The following CARMIL1 variants were observed in gnomAD, a reference collection of about 807,000 sequenced individuals.
The protein encoded by CARMIL1 is capping protein regulator and myosin 1 linker 1.
A neutral mutation model predicts 177.1 loss-of-function variants in CARMIL1; 90 were observed. The observed-to-expected ratio is 0.51, with a 90% CI of 0.43 to 0.61. The LOEUF (loss-of-function observed/expected upper bound fraction) is 0.61. Ranked by LOEUF, CARMIL1 falls within the 20% of genes least tolerant of loss-of-function variation. CARMIL1 has a pLI of 0.00. For missense variants in CARMIL1, 1,380 were observed against 1,667.0 expected (o/e 0.83, Z 3.00); for synonymous variants, 577 against 606.2 (o/e 0.95, Z 0.71).
At chr6:25,287,514 C>A (rs1424521582) in intron 2 of CARMIL1, 1 of 152,858 alleles carries the variant, frequency 6.5e-6, no homozygotes, top group Non-Finnish European at 1.5e-5. Flanking sequence ...GTTGTAAACA[C>A]CCCTACACTC....
At chr6:25,618,992 C>G (rs1759513984) in intron 36 of CARMIL1, among the ~76,000 whole-genome samples, 1 of 152,222 alleles carries the variant, frequency 6.6e-6, no homozygotes, top group Non-Finnish European at 1.5e-5. Flanking sequence ...AAATCATCTG[C>G]AGAAGGCATC....
Position 25,396,562 on chromosome 6 carries a change from A to G in CARMIL1, c.139-23552A>G, listed in dbSNP as rs548192486. On this transcript the variant is annotated intron_variant, in intron 2 of 36. Transcript: ENST00000329474. ...TTTTTAGTAGAGACGGGGTTTCACC[A>G]TGTTGGCCAGGCTGGTCTCGAACTG... Among the ~76,000 whole-genome samples the G allele has an allele frequency of 2.2e-4, 34 of 152,044 alleles. No individual in the cohort carries two copies. The South Asian group carries it at 2.9e-3, about 13-fold the overall frequency.
At chr6:25,574,584 A>G (rs571226827) in intron 29 of CARMIL1, among the ~76,000 whole-genome samples, 99 of 152,362 alleles carry the variant, frequency 6.5e-4, no homozygotes, top group African/African-American at 2.4e-3. Flanking sequence ...CACTCTCATG[A>G]GTTCAGTTGG....
chr6:25,517,379 C>T lies in CARMIL1; in HGVS notation c.1838C>T (p.Ala613Val). The stretch of plus-strand genomic sequence containing the variant: ...ATATGGGACAAGAACAACATCACTG[C>T]ACAAGGCTTTCAGGATATAGCTGTT... Reference protein sequence around the residue: ...TVIWDKNNITAQGFQDIAVAM... With the variant: ...TVIWDKNNITVQGFQDIAVAM... The change falls in exon 22 of 37, where the codon GCA (alanine) becomes GTA (valine). Residue 613 changes from alanine to valine, a missense_variant. Coordinates refer to ENST00000329474, the MANE Select transcript of CARMIL1 (RefSeq NM_017640.6). 6.2e-7 allele frequency: 1 copy of T among 1,613,366 alleles called. No homozygotes were observed. Among genetic ancestry groups the T allele is most frequent in the Non-Finnish European group, 8.5e-7 (1 of 1,179,610 alleles).
chr6:25,307,036 G>A (rs551410255), intron 2 of CARMIL1, among the ~76,000 whole-genome samples: 1 of 152,010 alleles, frequency 6.6e-6, no homozygotes, highest in East Asian at 1.9e-4. Flanking sequence ...CTGCCACCAC[G>A]CCTGGCTAAT....
intron 2 of CARMIL1, among the ~76,000 whole-genome samples, chr6:25,403,535 C>T (rs993208138): frequency 1.7e-4 from 26 of 152,200 alleles, no homozygotes; most frequent in Admixed American, 4.6e-4. Context: ...CCTCTGACCT[C>T]CCCTGCGCTT....
At chr6:25,507,545 G>A (rs989590955) in intron 17 of CARMIL1, 2 of 152,474 alleles carry the variant, frequency 1.3e-5, no homozygotes, top group East Asian at 1.9e-4. Context: ...TGTTTTTTAA[G>A]CATTGGAAAG....
intron 2 of CARMIL1, among the ~76,000 whole-genome samples, chr6:25,318,818 A>G (rs113875637): frequency 0.01 from 1,528 of 152,228 alleles, 14 homozygotes; most frequent in Non-Finnish European, 0.015. Context: ...GCCCAGCCCC[A>G]TCTCCTCAAA....
chr6:25,492,758 T>G (rs547481231), intron 15 of CARMIL1, among the ~76,000 whole-genome samples: 1 of 152,288 alleles, frequency 6.6e-6, no homozygotes, highest in African/African-American at 2.4e-5. Context: ...TTAAAGGCCT[T>G]ATATATTTAA....
At chr6:25,441,320 C>CAAACATAT (rs765704301) in intron 5 of CARMIL1, among the ~76,000 whole-genome samples, 5 of 99,626 alleles carry the variant, frequency 5.0e-5, no homozygotes, top group African/African-American at 2.0e-4. Context: ...AACAAACAAA[C>CAAACATAT]ATATATATAT....
At chr6:25,597,235 G>A (rs1814944227) in intron 32 of CARMIL1, among the ~76,000 whole-genome samples, 1 of 152,098 alleles carries the variant, frequency 6.6e-6, no homozygotes, top group South Asian at 2.1e-4. Context: ...TACAGTCTCA[G>A]TAATTGATTT....
intron 2 of CARMIL1, among the ~76,000 whole-genome samples, chr6:25,376,520 T>C (rs1790997272): frequency 6.6e-6 from 1 of 152,222 alleles, no homozygotes; most frequent in East Asian, 1.9e-4. Context: ...ATTCAGCTCT[T>C]GGTGCTTTCA....
chr6:25,361,138 A>G (rs1789154093), intron 2 of CARMIL1, among the ~76,000 whole-genome samples: 1 of 152,232 alleles, frequency 6.6e-6, no homozygotes, highest in African/African-American at 2.4e-5. Context: ...ATAATTGAGC[A>G]GATTTTGAAG....
intron 2 of CARMIL1, among the ~76,000 whole-genome samples, chr6:25,363,743 T>C (rs1472399229): frequency 6.6e-6 from 1 of 152,168 alleles, no homozygotes; most frequent in Non-Finnish European, 1.5e-5. Flanking sequence ...AAATCATGTA[T>C]AGTTTTATAT....
intron 2 of CARMIL1, among the ~76,000 whole-genome samples, chr6:25,294,580 T>C (rs1176121444): frequency 6.6e-6 from 1 of 152,224 alleles, no homozygotes; most frequent in African/African-American, 2.4e-5. Flanking sequence ...TGCTTCTCAC[T>C]CTCCATTTCT....
chr6:25,586,718 C>T (rs28393611), intron 31 of CARMIL1, among the ~76,000 whole-genome samples: 38,909 of 151,988 alleles, frequency 0.26, 5,117 homozygotes, highest in Middle Eastern at 0.32. Flanking sequence ...CTCGGGAGGC[C>T]GAGGCGGGCA....
intron 8 of CARMIL1, chr6:25,452,336 T>C: frequency 1.5e-6 from 1 of 682,782 alleles, no homozygotes; most frequent in Non-Finnish European, 2.6e-6. Context: ...AAAAGTGAAC[T>C]GAGAAAGAAA....
chr6:25,550,490 T>C (rs10456323), intron 26 of CARMIL1, among the ~76,000 whole-genome samples: 23,828 of 152,120 alleles, frequency 0.16, 1,986 homozygotes, highest in Middle Eastern at 0.21. Flanking sequence ...TTGCAGAATC[T>C]CAGAAGCATT....
At chr6:25,495,238 C>T (rs1180568100) in intron 16 of CARMIL1, 23 bp downstream of exon 16, 1 of 1,466,562 alleles carries the variant, frequency 6.8e-7, no homozygotes, top group Non-Finnish European at 9.4e-7. Context: ...TTCACTTTCT[C>T]CAGAGCTTTT....
Sources: gnomAD v4.1 joint callset for allele counts (sites outside exome capture counted in the v4.1 genomes callset) on GRCh38, gnomAD v4.1.1 for gene constraint, MANE v1.5 for transcripts, NCBI Gene and HGNC (gene_info 2026-07-23, HGNC 2026-07-21) for gene names.